The following NTM variants were observed in gnomAD, a reference collection of about 807,000 sequenced individuals.
NTM encodes the protein neurotrimin, also known as IgLON family member 2.
Under a neutral mutation model 42.1 loss-of-function variants are expected in NTM, and 13 were observed. The observed-to-expected ratio is 0.31, with a 90% CI of 0.20 to 0.49. The LOEUF is 0.49. NTM is among the 20% of genes least tolerant of loss of function. NTM has a pLI of 0.99. For synonymous variants in NTM, 187 were observed against 179.2 expected (o/e 1.04, Z -0.35); for missense variants, 373 against 452.8 (o/e 0.82, Z 1.60).
chr11:131,934,314 A>C (rs993004845), intron 2 of NTM, among the ~76,000 whole-genome samples: 1 of 152,192 alleles, frequency 6.6e-6, no homozygotes, highest in African/African-American at 2.4e-5. Flanking sequence ...TAAATGATTA[A>C]GTGAATGGGC....
intron 1 of NTM, among the ~76,000 whole-genome samples, chr11:131,581,850 T>C (rs114072270): frequency 0.011 from 1,608 of 152,320 alleles, 29 homozygotes; most frequent in African/African-American, 0.037. Flanking sequence ...CACACTCTGC[T>C]GGTGCCCTGA....
At chr11:132,194,390 A>C (rs2079832828) in intron 3 of NTM, among the ~76,000 whole-genome samples, 1 of 152,208 alleles carries the variant, frequency 6.6e-6, no homozygotes, top group Non-Finnish European at 1.5e-5. Flanking sequence ...ATAAATGCTG[A>C]AAAGGCTCTC....
intron 3 of NTM, among the ~76,000 whole-genome samples, chr11:132,204,491 G>A (rs2081649926): frequency 6.6e-6 from 1 of 152,156 alleles, no homozygotes; most frequent in Non-Finnish European, 1.5e-5. Flanking sequence ...AGGCAGGCTG[G>A]GGGTTCTCTT....
intron 4 of NTM, among the ~76,000 whole-genome samples, chr11:132,278,685 G>A (rs1014359030): frequency 3.3e-5 from 5 of 151,372 alleles, no homozygotes; most frequent in African/African-American, 2.4e-5. Context: ...TCTTAGCTTC[G>A]TAATGCTGCT....
At chr11:131,965,988 A>C (rs544496739) in intron 2 of NTM, among the ~76,000 whole-genome samples, 83 of 151,446 alleles carry the variant, frequency 5.5e-4, no homozygotes, top group African/African-American at 1.9e-3. Flanking sequence ...GAAAGGAAAC[A>C]TGAGAGGGAA....
Position 131,471,972 on chromosome 11 carries a change from G to A in NTM, c.82+101084G>A, listed in dbSNP as rs148012135. On this transcript the variant is annotated intron_variant, in intron 1 of 8. Transcript: ENST00000683400. ...TGGGAGCATGGATATGCTATCTGGT[G>A]CATAATGGCTGTGAATTCCAACCAG... Among the ~76,000 whole-genome samples, 12 of 152,322 alleles carry A rather than the reference G, an allele frequency of 7.9e-5. No individual in the cohort carries two copies. The East Asian group carries it at 2.3e-3, about 29-fold the overall frequency.
intron 2 of NTM, among the ~76,000 whole-genome samples, chr11:132,052,214 TA>T (rs1200021151): frequency 1.3e-5 from 2 of 152,208 alleles, no homozygotes; most frequent in Admixed American, 1.3e-4. Context: ...TCTTAATCCT[TA>T]ATCCACAAAG....
rs563345511 is a variant in NTM, at chr11:132,314,547, C to G, written c.783-5C>G. 6.2e-7 allele frequency: 1 copy of G among 1,610,430 alleles called. No individual in the cohort carries two copies. The highest frequency in any genetic ancestry group is 1.3e-5 in the African/African-American group (1 of 74,976). ...TTCTTCTTTTTTGTCTTTTGTTTCT[C>G]TCAGACTGATTGAAGGAAAGAAAGG... On this transcript the variant is annotated splice_polypyrimidine_tract_variant and splice_region_variant and intron_variant, in intron 6 of 8. Coordinates refer to ENST00000683400, the MANE Select transcript of NTM (RefSeq NM_001352005.2).
chr11:131,566,944 G>A (rs184281217), intron 1 of NTM, among the ~76,000 whole-genome samples: 2 of 152,196 alleles, frequency 1.3e-5, no homozygotes, highest in East Asian at 1.9e-4. Flanking sequence ...CTTTAGAAGT[G>A]AAAGCAGTTC....
intron 1 of NTM, among the ~76,000 whole-genome samples, chr11:131,456,301 G>T (rs1426153279): frequency 6.6e-6 from 1 of 152,164 alleles, no homozygotes; most frequent in Non-Finnish European, 1.5e-5. Flanking sequence ...GGCTAGCAGA[G>T]AATTATATTT....
chr11:131,582,498 C>G (rs144073933), intron 1 of NTM: 2 of 151,982 alleles, frequency 1.3e-5, no homozygotes, highest in East Asian at 3.9e-4. Context: ...GTTAAACTGC[C>G]TGCATTTTAA....
intron 2 of NTM, among the ~76,000 whole-genome samples, chr11:132,090,898 C>T (rs1346982687): frequency 6.6e-6 from 1 of 152,168 alleles, no homozygotes. Flanking sequence ...TTCACAAATT[C>T]ATGATCTCTC....
chr11:131,743,876 T>C (rs2081480940), intron 1 of NTM, among the ~76,000 whole-genome samples: 1 of 152,228 alleles, frequency 6.6e-6, no homozygotes, highest in African/African-American at 2.4e-5. Flanking sequence ...TATTTTACCA[T>C]TTAGTCTATT....
At chr11:131,816,912 C>T (rs1383802928) in intron 1 of NTM, among the ~76,000 whole-genome samples, 3 of 152,150 alleles carry the variant, frequency 2.0e-5, no homozygotes, top group Non-Finnish European at 2.9e-5. Flanking sequence ...GTTTAGTTTA[C>T]ATGTATTCTG....
intron 2 of NTM, among the ~76,000 whole-genome samples, chr11:131,987,807 G>A (rs902068349): frequency 1.3e-5 from 2 of 152,194 alleles, no homozygotes; most frequent in African/African-American, 4.8e-5. Flanking sequence ...TGAACAGTCA[G>A]CCACTCAGTC....
At chr11:131,631,729 T>C (rs1011940184) in intron 1 of NTM, among the ~76,000 whole-genome samples, 10 of 152,194 alleles carry the variant, frequency 6.6e-5, no homozygotes, top group African/African-American at 2.4e-4. Flanking sequence ...GTTGCCTCCT[T>C]TTCCTCCACT....
At chr11:131,696,708 G>T (rs905491845) in intron 1 of NTM, among the ~76,000 whole-genome samples, 8 of 151,988 alleles carry the variant, frequency 5.3e-5, no homozygotes, top group African/African-American at 1.9e-4. Flanking sequence ...TGAGGCAATG[G>T]CCCATGTTAA....
intron 4 of NTM, among the ~76,000 whole-genome samples, chr11:132,224,596 G>GA (rs2138919316): frequency 6.6e-6 from 1 of 152,320 alleles, no homozygotes; most frequent in Admixed American, 6.5e-5. Flanking sequence ...TGGCAGGGCA[G>GA]AAACCCCTTT....
At chr11:131,760,205 A>G (rs1367581608) in intron 1 of NTM, among the ~76,000 whole-genome samples, 2 of 152,312 alleles carry the variant, frequency 1.3e-5, no homozygotes, top group East Asian at 1.9e-4. Flanking sequence ...AGAAGGTTCT[A>G]TGGGAGAGAA....
Sources: allele counts gnomAD v4.1 joint callset (sites outside exome capture counted in the v4.1 genomes callset), GRCh38; gene constraint gnomAD v4.1.1; transcripts MANE v1.5; gene names NCBI Gene and HGNC (gene_info 2026-07-23, HGNC 2026-07-21).